PIK3C2A: variants seen among roughly 807,000 people sequenced by gnomAD.
The protein encoded by PIK3C2A is phosphatidylinositol-4-phosphate 3-kinase catalytic subunit type 2 alpha, also known as phosphatidylinositol 4-phosphate 3-kinase C2 domain-containing subunit alpha.
PIK3C2A carries 97 observed loss-of-function variants against 204.5 expected under a neutral mutation model. The observed-to-expected ratio is 0.47, with a 90% CI of 0.40 to 0.56. PIK3C2A has a LOEUF of 0.56. PIK3C2A is among the 20% of genes least tolerant of loss of function. The pLI is 0.00. For missense variants in PIK3C2A, 1,735 were observed against 1,969.2 expected, an observed-to-expected ratio of 0.88 and a Z score of 2.25; for synonymous variants, 653 against 664.4, an observed-to-expected ratio of 0.98 and a Z score of 0.26.
chr11:17,098,837 T>C (rs1848531341), intron 26 of PIK3C2A, among the ~76,000 whole-genome samples: 1 of 152,202 alleles, frequency 6.6e-6, no homozygotes, highest in Non-Finnish European at 1.5e-5. Context: ...ATTGTGATGA[T>C]GTGGCAGCAG....
rs530553587 is a variant in PIK3C2A, at chr11:17,185,676, GCAA to G, written c.-65-15873_-65-15871del. The stretch of plus-strand genomic sequence containing the variant: ...AATTCAGTTATAGCTTATCAGGAAG[GCAA>G]CAACATTTAGTGGTCACTATATCAG... On this transcript the variant is annotated intron_variant, in intron 1 of 32. Transcript: ENST00000691414. Among the ~76,000 whole-genome samples the G allele has an allele frequency of 2.7e-3, 407 of 152,124 alleles. 8 individuals carry two copies. Among genetic ancestry groups the G allele is most frequent in the Non-Finnish European group, 1.3e-3 (88 of 68,000 alleles).
At position 17,168,764 on chromosome 11, in the gene PIK3C2A, T is replaced by C. The variant is rs1565287236; in HGVS notation, c.978A>G (p.Lys326=). Residue 326 remains lysine, a synonymous_variant, in exon 2 of 33, where the codon AAA becomes AAG. Coordinates refer to ENST00000691414, the MANE Select transcript of PIK3C2A (RefSeq NM_002645.4). ...TTGTAACAGTTGCCACAGAAAGGGA[T>C]TTTCCATTCACCTTTCTTTCAAGAT... ...NCHLERKVNG[K]SLSVATVTRS... The C allele has an allele frequency of 6.2e-7, 1 of 1,613,894 alleles. No individual in the cohort carries two copies. Among genetic ancestry groups the C allele is most frequent in the African/African-American group, 1.3e-5 (1 of 75,008 alleles).
chr11:17,152,161 G>A (rs1294533965), intron 3 of PIK3C2A, among the ~76,000 whole-genome samples: 11 of 152,130 alleles, frequency 7.2e-5, no homozygotes, highest in Admixed American at 5.2e-4. Flanking sequence ...CAATGTGAAT[G>A]TAATTATGTC....
At chr11:17,161,180 C>T (rs1368280494) in intron 2 of PIK3C2A, among the ~76,000 whole-genome samples, 1 of 151,964 alleles carries the variant, frequency 6.6e-6, no homozygotes, top group African/African-American at 2.4e-5. Context: ...GCCACATTAC[C>T]CAGAAATTAT....
intron 1 of PIK3C2A, among the ~76,000 whole-genome samples, chr11:17,175,852 C>T (rs956903842): frequency 1.3e-5 from 2 of 152,136 alleles, no homozygotes; most frequent in Non-Finnish European, 1.5e-5. Context: ...GTTGGTGCTG[C>T]TACCCATCTA....
chr11:17,144,265 C>A (rs1038594401), intron 8 of PIK3C2A, among the ~76,000 whole-genome samples: 3 of 152,128 alleles, frequency 2.0e-5, no homozygotes, highest in Admixed American at 6.5e-5. Context: ...TTCTAAGAGG[C>A]CTTCTTTGAA....
chr11:17,118,720 T>C lies in PIK3C2A; in HGVS notation c.2960A>G (p.Tyr987Cys). Reference sequence around the variant, plus strand: ...GAATTGCACTAATGAACTATTCAAGTAAATTTCATATTTCAAAGCCTACAG... The same window carrying C: ...GAATTGCACTAATGAACTATTCAAGCAAATTTCATATTTCAAAGCCTACAG... ...QFVQALKYEI[Y>C]LNSSLVQFLL... The change falls in exon 18 of 33, where the codon TAC becomes TGC. Residue 987 changes from tyrosine (Y) to cysteine (C), a missense_variant. By Grantham distance (194) the Tyr-to-Cys change is radical. Coordinates refer to ENST00000691414, the MANE Select transcript of PIK3C2A (RefSeq NM_002645.4). 6.5e-7 allele frequency: 1 copy of C among 1,545,270 alleles called. No individual in the cohort carries two copies.
chr11:17,147,989 G>A (rs1357140616), intron 5 of PIK3C2A, among the ~76,000 whole-genome samples: 2 of 152,018 alleles, frequency 1.3e-5, no homozygotes, highest in Non-Finnish European at 2.9e-5. Context: ...AGGCCGAGGC[G>A]GGTGGATCAC....
chr11:17,122,427 CG>C, intron 14 of PIK3C2A, 94 bp from the exon 15 acceptor site: 1 of 762,252 alleles, frequency 1.3e-6, no homozygotes, highest in Non-Finnish European at 2.2e-6. Context: ...TCTTAGCAAT[CG>C]GGGCATATTT....
intron 32 of PIK3C2A, among the ~76,000 whole-genome samples, chr11:17,090,398 C>T (rs893241096): frequency 2.0e-5 from 3 of 152,154 alleles, no homozygotes; most frequent in African/African-American, 7.2e-5. Context: ...ACTCAGGAGG[C>T]GGAGGTTGCA....
At chr11:17,129,128 T>A (rs2137371394) in intron 13 of PIK3C2A, among the ~76,000 whole-genome samples, 172 bp downstream of exon 13, 1 of 152,316 alleles carries the variant, frequency 6.6e-6, no homozygotes, top group African/African-American at 2.4e-5. Flanking sequence ...GCAGACTAAC[T>A]TTGATTTCCT....
At chr11:17,101,826 A>G (rs1447205572) in intron 24 of PIK3C2A, among the ~76,000 whole-genome samples, 1 of 151,672 alleles carries the variant, frequency 6.6e-6, no homozygotes, top group Non-Finnish European at 1.5e-5. Context: ...GATGGTCTCG[A>G]TCTCCTGACC....
chr11:17,102,688 A>G lies in PIK3C2A; in HGVS notation c.3825T>C (p.His1275=). Residue 1275 remains histidine (H), a synonymous_variant, in exon 24 of 33, where the codon CAT becomes CAC. Transcript: ENST00000691414. ...FHIDFGKFLG[H]AQMFGSFKRD... ...TTTTGAAGCTGCCAAACATCTGTGC[A>G]TGTCCCAAAAACTTTCCAAAGTCAA... 6.2e-7 allele frequency: 1 copy of G among 1,613,414 alleles called. No homozygotes were observed. Among genetic ancestry groups the G allele is most frequent in the African/African-American group, 1.3e-5 (1 of 75,018 alleles).
At chr11:17,129,722 G>A (rs1214349332) in intron 12 of PIK3C2A, among the ~76,000 whole-genome samples, 1 of 152,162 alleles carries the variant, frequency 6.6e-6, no homozygotes, top group Admixed American at 6.6e-5. Context: ...CTCTCAAGTA[G>A]CTGGGATTAT....
At chr11:17,158,100 A>T (rs1159274659) in intron 2 of PIK3C2A, among the ~76,000 whole-genome samples, 1 of 152,170 alleles carries the variant, frequency 6.6e-6, no homozygotes, top group Admixed American at 6.5e-5. Flanking sequence ...CTGTAATCCC[A>T]GCACTTTGGG....
At chr11:17,136,349 A>AC (rs1179011228) in intron 9 of PIK3C2A, 133 bp downstream of exon 9, 156 of 684,156 alleles carry the variant, frequency 2.3e-4, no homozygotes, top group Middle Eastern at 3.9e-4. Flanking sequence ...TCCCCACCTA[A>AC]CCAAGTAAGT....
intron 6 of PIK3C2A, among the ~76,000 whole-genome samples, chr11:17,146,758 C>T (rs1054400658): frequency 6.6e-5 from 10 of 151,104 alleles, no homozygotes; most frequent in Admixed American, 6.6e-4. Flanking sequence ...CCTTAAGAAA[C>T]TAAGAAGAAA....
At chr11:17,111,943 CA>C (rs1162263967) in intron 21 of PIK3C2A, among the ~76,000 whole-genome samples, 1 of 143,036 alleles carries the variant, frequency 7.0e-6, no homozygotes, top group East Asian at 2.0e-4. Context: ...TTCTTGTATT[CA>C]AAACAGATAT....
At chr11:17,094,420 T>C in intron 27 of PIK3C2A, 35 bp from the exon 28 acceptor site, 1 of 1,579,422 alleles carries the variant, frequency 6.3e-7, no homozygotes. Flanking sequence ...ACATAAAATT[T>C]ATATTTAAAA....
Sources: gnomAD v4.1 joint callset for allele counts (sites outside exome capture counted in the v4.1 genomes callset) on GRCh38, gnomAD v4.1.1 for gene constraint, MANE v1.5 for transcripts, NCBI Gene and HGNC (gene_info 2026-07-23, HGNC 2026-07-21) for gene names.